LETM2: variants seen among roughly 807,000 people sequenced by gnomAD.
The protein encoded by LETM2 is leucine zipper and EF-hand containing transmembrane protein 2.
A neutral mutation model predicts 59.6 loss-of-function variants in LETM2; 58 were observed. The ratio of observed to expected loss-of-function variants is 0.97; its 90% CI spans 0.79 to 1.21. LETM2 has a LOEUF of 1.21. Ranked by LOEUF, LETM2 falls within the 50% of genes most tolerant of loss-of-function variation. The pLI, the probability that LETM2 is intolerant of heterozygous loss-of-function variation, is 0.00. For synonymous variants in LETM2, 199 were observed against 214.1 expected (o/e 0.93, Z 0.62); for missense variants, 572 against 575.7 (o/e 0.99, Z 0.07).
chr8:38,394,486 C>T, intron 4 of LETM2: 1 of 334,838 alleles, frequency 3.0e-6, no homozygotes, highest in Non-Finnish European at 5.4e-6. Flanking sequence ...GTGGGCTTTG[C>T]AAATGCATAA....
intron 7 of LETM2, among the ~76,000 whole-genome samples, 190 bp downstream of exon 7, chr8:38,402,834 G>C (rs1191109612): frequency 6.6e-6 from 1 of 152,158 alleles, no homozygotes; most frequent in Non-Finnish European, 1.5e-5. Context: ...GTTTTGTATT[G>C]CTGCCTAAGA....
At chr8:38,394,070 AAT>A in intron 3 of LETM2, 26 bp from the exon 4 acceptor site, 1 of 1,397,656 alleles carries the variant, frequency 7.2e-7, no homozygotes, top group Non-Finnish European at 9.3e-7. Context: ...TAAAATAATG[AAT>A]ATTGCATATG....
At chr8:38,383,522 A>G (rs1292500151), upstream of LETM2, 1 of 152,254 alleles carries the variant, frequency 6.6e-6, no homozygotes, top group Non-Finnish European at 1.5e-5. Flanking sequence ...AGATATCTCT[A>G]TCTTTAAATA....
chr8:38,405,196 A>T (rs1038686940), intron 8 of LETM2, among the ~76,000 whole-genome samples: 1 of 151,850 alleles, frequency 6.6e-6, no homozygotes, highest in Non-Finnish European at 1.5e-5. Context: ...ATTTGTCCAG[A>T]TTCCTATTAG....
intron 4 of LETM2, 106 bp from the exon 5 acceptor site, chr8:38,400,163 CATG>C (rs1813067646): frequency 1.3e-6 from 1 of 780,734 alleles, no homozygotes; most frequent in Non-Finnish European, 2.0e-6. Flanking sequence ...CACGTTATTA[CATG>C]ATGTAGGGAT....
chr8:38,388,054 A>C, intron 2 of LETM2, 24 bp downstream of exon 2: 1 of 1,440,448 alleles, frequency 6.9e-7, no homozygotes, highest in Non-Finnish European at 9.3e-7. Flanking sequence ...TTACCCCCCA[A>C]TATGAACGTA....
rs1313584716 is a variant in LETM2, at chr8:38,404,481, C to T, written c.1193C>T (p.Pro398Leu). The change falls in exon 8 of 11, where the codon CCG becomes CTG. Residue 398 changes from proline to leucine, a missense_variant. Transcript: ENST00000379957. The part of the protein sequence containing the change: ...TFYLIDVKPK[P>L]IEIPLSGEAP... ...TACCTGATAGATGTGAAGCCCAAGC[C>T]GATTGAGATACCACTCAGTGGGGAG... The T allele has an allele frequency of 1.2e-5, 20 of 1,613,610 alleles. No homozygotes were observed. The highest frequency in any genetic ancestry group is 2.7e-5 in the African/African-American group (2 of 74,898).
chr8:38,401,175 T>C (rs1227262624), intron 6 of LETM2, 122 bp downstream of exon 6: 3 of 795,860 alleles, frequency 3.8e-6, no homozygotes, highest in Non-Finnish European at 6.0e-6. Flanking sequence ...AAAGTCTTGC[T>C]CTGTCACCCA....
At chr8:38,392,442 C>T (rs747607941) in intron 2 of LETM2, 100 bp from the exon 3 acceptor site, 16 of 795,314 alleles carry the variant, frequency 2.0e-5, no homozygotes, top group African/African-American at 1.0e-4. Context: ...TTTATTTTGA[C>T]CAGATGTACT....
chr8:38,404,594 G>A (rs1170679497), intron 8 of LETM2, 88 bp downstream of exon 8: 2 of 837,010 alleles, frequency 2.4e-6, no homozygotes, highest in Non-Finnish European at 4.0e-6. Context: ...AGTTAGAGCA[G>A]GCATTTCTTT....
rs1813794721 is a variant in LETM2, at chr8:38,407,195, G to A, written c.1311+157G>A. 4.2e-6 allele frequency: 3 copies of A among 721,724 alleles called. No individual in the cohort carries two copies. The Admixed American group carries it at 7.8e-5, about 19-fold the overall frequency. The allele number at this position is 721,724 out of a possible 1,614,324, so 44.7% of individuals were successfully genotyped here. On this transcript the variant is annotated intron_variant, in intron 9 of 10. Coordinates refer to ENST00000379957, the MANE Select transcript of LETM2 (RefSeq NM_001286819.2). ...ATTGTACTGTTTGATCTAAGAGGAA[G>A]CTTAATATTTGGCTACACGTAATTA...
chr8:38,407,118 C>A, intron 9 of LETM2, 80 bp downstream of exon 9: 1 of 865,064 alleles, frequency 1.2e-6, no homozygotes, highest in Non-Finnish European at 1.9e-6. Flanking sequence ...GTTTTAATCC[C>A]CTTAATGAAA....
At chr8:38,396,603 T>C (rs1468661165) in intron 4 of LETM2, among the ~76,000 whole-genome samples, 1 of 152,128 alleles carries the variant, frequency 6.6e-6, no homozygotes, top group African/African-American at 2.4e-5. Flanking sequence ...ATTTTAACTG[T>C]CAAAAGAACA....
At chr8:38,404,334 C>T in intron 7 of LETM2, 59 bp from the exon 8 acceptor site, 4 of 1,204,392 alleles carry the variant, frequency 3.3e-6, no homozygotes, top group East Asian at 2.3e-5. Context: ...TAGATGACCG[C>T]GGATCACTCT....
In LETM2 at chr8:38,387,183, G is replaced by GT. The variant is rs576998045; in HGVS notation, c.-35+616dup. 8 of 152,396 alleles carry GT rather than the reference G, an allele frequency of 5.2e-5. 1 individual carries two copies. In the South Asian group the frequency reaches 1.7e-3, roughly 32 times the overall value. 9.4% of individuals were successfully genotyped at this position (152,396 alleles called of 1,614,324 possible). A position where few individuals can be genotyped will look rare whatever the true frequency, so the allele number is the denominator to read the frequency against. On this transcript the variant is annotated intron_variant, in intron 1 of 10. Transcript: ENST00000379957. ...CCGCGAAACACCACCCACCGTTAGT[G>GT]TGGGTCCACAGGTTTCGAGCCCCTG...
chr8:38,405,797 CA>C (rs1813667809), intron 8 of LETM2, among the ~76,000 whole-genome samples: 1 of 152,182 alleles, frequency 6.6e-6, no homozygotes, highest in African/African-American at 2.4e-5. Context: ...CTCACTGTCT[CA>C]GCTAAATCTG....
At chr8:38,408,151 C>T (rs925711202) in intron 10 of LETM2, 61 bp from the exon 11 acceptor site, 3 of 1,268,562 alleles carry the variant, frequency 2.4e-6, no homozygotes, top group Non-Finnish European at 3.4e-6. Flanking sequence ...AAATAGCATT[C>T]ACTCCTTAAG....
chr8:38,396,696 C>T (rs1462205384), intron 4 of LETM2, among the ~76,000 whole-genome samples: 3 of 151,860 alleles, frequency 2.0e-5, no homozygotes, highest in African/African-American at 7.3e-5. Context: ...TTTAAGCCCA[C>T]GAGTTCAAGA....
At chr8:38,401,145 T>G in intron 6 of LETM2, 92 bp downstream of exon 6, 2 of 1,038,766 alleles carry the variant, frequency 1.9e-6, no homozygotes, top group Non-Finnish European at 2.8e-6. Context: ...ATTTTTTGTT[T>G]TTGTTTTTGT....
Sources: gnomAD v4.1 joint callset for allele counts (sites outside exome capture counted in the v4.1 genomes callset) on GRCh38, gnomAD v4.1.1 for gene constraint, MANE v1.5 for transcripts, NCBI Gene and HGNC (gene_info 2026-07-23, HGNC 2026-07-21) for gene names.